The following CASP5 variants were observed in gnomAD, a reference collection of about 807,000 sequenced individuals.
CASP5 encodes caspase 5.
Under a neutral mutation model 45.2 loss-of-function variants are expected in CASP5, and 42 were observed. The observed-to-expected ratio is 0.93, with a 90% CI of 0.73 to 1.20. The LOEUF (loss-of-function observed/expected upper bound fraction) is 1.20, where lower values mean the gene tolerates loss of function less well. Ranked by LOEUF, CASP5 falls within the 50% of genes most tolerant of loss-of-function variation. The pLI is 0.00. For synonymous variants in CASP5, 209 were observed against 186.2 expected (o/e 1.12, Z -1.00); for missense variants, 512 against 532.2 (o/e 0.96, Z 0.37).
Position 104,995,802 on chromosome 11 carries a change from A to T in CASP5, c.1247T>A (p.Met416Lys), listed in dbSNP as rs138021690. The change falls in exon 9 of 10, where the codon ATG becomes AAG. Residue 416 changes from methionine (M) to lysine (K), a missense_variant. Transcript: ENST00000260315. ...CAAGGTTGCTCGTTCTATGGTGGGCATCTGGGCTTTAGCCTGTGGAACTTC... is the reference window on the plus strand; with the variant it reads ...CAAGGTTGCTCGTTCTATGGTGGGCTTCTGGGCTTTAGCCTGTGGAACTTC... ...SFEVPQAKAQMPTIERATLTR... is the reference protein window; with the variant it reads ...SFEVPQAKAQKPTIERATLTR... 1.3e-5 allele frequency: 21 copies of T among 1,612,798 alleles called. No homozygotes were observed. Among genetic ancestry groups the T allele is most frequent in the Non-Finnish European group, 1.7e-5 (20 of 1,179,146 alleles).
At chr11:105,000,713 C>T (rs1285837436) in intron 5 of CASP5, among the ~76,000 whole-genome samples, 5 of 151,834 alleles carry the variant, frequency 3.3e-5, no homozygotes, top group Admixed American at 1.3e-4. Flanking sequence ...TCCCTGCTGA[C>T]ACACCATACA....
intron 1 of CASP5, among the ~76,000 whole-genome samples, chr11:105,010,155 A>C (rs1400552811): frequency 6.6e-6 from 1 of 150,884 alleles, no homozygotes; most frequent in Non-Finnish European, 1.5e-5. Context: ...GCCTAGAAGC[A>C]CCAGACTCAT....
Position 105,003,255 on chromosome 11 carries a change from C to A in CASP5, c.543+19G>T. ...ATTGTTTCTCTCTTCTTCCCCATTT[C>A]ATACAGAGAGCACAGCACCTCATCA... On this transcript the variant is annotated intron_variant, in intron 4 of 9. Coordinates refer to ENST00000260315, the MANE Select transcript of CASP5 (RefSeq NM_004347.5). The A allele has an allele frequency of 7.2e-7, 1 of 1,382,774 alleles. No homozygotes were observed. Among genetic ancestry groups the A allele is most frequent in the Non-Finnish European group, 1.0e-6 (1 of 975,664 alleles). The allele number at this position is 1,382,774 out of a possible 1,614,324, so 85.7% of individuals were successfully genotyped here. A position where few individuals can be genotyped will look rare whatever the true frequency, so the allele number is the denominator to read the frequency against.
At chr11:105,003,936 T>G (rs1300461697) in intron 3 of CASP5, among the ~76,000 whole-genome samples, 4 of 151,976 alleles carry the variant, frequency 2.6e-5, no homozygotes, top group Non-Finnish European at 5.9e-5. Flanking sequence ...AAGTTATGTC[T>G]GGTGGCTACA....
At chr11:105,009,770 CGTATATATATATATAT>C (rs1862206712) in intron 1 of CASP5, among the ~76,000 whole-genome samples, 5 of 42,962 alleles carry the variant, frequency 1.2e-4, no homozygotes, top group South Asian at 5.9e-4. Flanking sequence ...CACACACACA[CGTATATATATATATAT>C]ACACACGTAT....
chr11:105,011,433 A>G (rs908694788), intron 1 of CASP5, among the ~76,000 whole-genome samples: 28 of 151,944 alleles, frequency 1.8e-4, no homozygotes, highest in African/African-American at 6.0e-4. Flanking sequence ...CTTCTATTCT[A>G]GAAATCCTAA....
intron 1 of CASP5, among the ~76,000 whole-genome samples, chr11:105,016,450 T>TGCACCGTGTGC (rs1862598364): frequency 6.6e-6 from 1 of 152,076 alleles, no homozygotes; most frequent in African/African-American, 2.4e-5. Context: ...AGTGGGTGCG[T>TGCACCGTGTGC]GCACCGTGTG....
intron 1 of CASP5, among the ~76,000 whole-genome samples, chr11:105,021,175 C>T (rs1862939553): frequency 7.4e-6 from 1 of 135,136 alleles, no homozygotes; most frequent in African/African-American, 2.8e-5. Context: ...GGATTAAAGA[C>T]TTAAAAGTTA....
chr11:105,016,797 G>A (rs1591176810), intron 1 of CASP5, among the ~76,000 whole-genome samples: 2 of 152,112 alleles, frequency 1.3e-5, no homozygotes, highest in Admixed American at 1.3e-4. Context: ...ACTGGGTGGA[G>A]CCCACCACAG....
chr11:105,017,776 C>T (rs1862707352), intron 1 of CASP5, among the ~76,000 whole-genome samples: 3 of 151,960 alleles, frequency 2.0e-5, no homozygotes, highest in African/African-American at 7.3e-5. Context: ...GCAAGGCAGG[C>T]CAACATTCAG....
At chr11:105,016,012 A>C (rs1862570288) in intron 1 of CASP5, among the ~76,000 whole-genome samples, 3 of 152,338 alleles carry the variant, frequency 2.0e-5, no homozygotes, top group Admixed American at 6.5e-5. Context: ...ACCATCTAAA[A>C]CACTATCTGA....
intron 1 of CASP5, among the ~76,000 whole-genome samples, chr11:105,012,846 A>C (rs114338124): frequency 6.6e-6 from 1 of 151,870 alleles, no homozygotes; most frequent in Admixed American, 6.6e-5. Flanking sequence ...ATAATGAAAA[A>C]CAATAGGAAA....
At chr11:105,003,156 C>T in intron 4 of CASP5, 118 bp downstream of exon 4, 1 of 709,172 alleles carries the variant, frequency 1.4e-6, no homozygotes, top group Non-Finnish European at 2.5e-6. Context: ...GCTATGATCA[C>T]ACCACAGCAC....
chr11:105,010,359 T>C (rs1862283513), intron 1 of CASP5, among the ~76,000 whole-genome samples: 1 of 150,242 alleles, frequency 6.7e-6, no homozygotes, highest in Non-Finnish European at 1.5e-5. Flanking sequence ...ATCATTATTA[T>C]TAACAATATC....
At chr11:105,001,502 T>C (rs1861722387) in intron 5 of CASP5, among the ~76,000 whole-genome samples, 2 of 152,076 alleles carry the variant, frequency 1.3e-5, no homozygotes, top group Non-Finnish European at 2.9e-5. Flanking sequence ...TCATCTCTGT[T>C]AAAAATAGAG....
At chr11:105,019,425 A>G (rs993955432) in intron 1 of CASP5, among the ~76,000 whole-genome samples, 11 of 149,780 alleles carry the variant, frequency 7.3e-5, no homozygotes, top group African/African-American at 2.4e-4. Flanking sequence ...TAATAAAGAA[A>G]AAAAGAGAGA....
At chr11:105,013,803 G>C (rs542667) in intron 1 of CASP5, among the ~76,000 whole-genome samples, 147,557 of 152,164 alleles carry the variant, frequency 0.97, 71,695 homozygotes, top group East Asian at 1. Context: ...TCCTTCATTT[G>C]CTCCTCCATA....
chr11:105,009,720 C>CATAT (rs199695891), intron 1 of CASP5, among the ~76,000 whole-genome samples: 5,215 of 62,688 alleles, frequency 0.083, 191 homozygotes, highest in South Asian at 0.1. Context: ...TATATACACA[C>CATAT]ATATATATAT....
chr11:104,995,634 A>G, intron 9 of CASP5, 106 bp downstream of exon 9: 1 of 665,828 alleles, frequency 1.5e-6, no homozygotes, highest in Non-Finnish European at 2.7e-6. Context: ...ATCAATAAAG[A>G]ACACTAACTT....
Sources: gnomAD v4.1 joint callset for allele counts (sites outside exome capture counted in the v4.1 genomes callset) on GRCh38, gnomAD v4.1.1 for gene constraint, MANE v1.5 for transcripts, NCBI Gene and HGNC (gene_info 2026-07-23, HGNC 2026-07-21) for gene names.